UBE2W: variants seen among roughly 807,000 people sequenced by gnomAD.
UBE2W encodes ubiquitin-conjugating enzyme E2 W.
Under a neutral mutation model 27.2 loss-of-function variants are expected in UBE2W, and 18 were observed. The observed-to-expected ratio is 0.66, with a 90% CI of 0.46 to 0.98. The LOEUF is 0.98. Ranked by LOEUF, UBE2W falls within the 50% of genes least tolerant of loss-of-function variation. The pLI is 0.00. For synonymous variants in UBE2W, 53 were observed against 57.2 expected (o/e 0.93, Z 0.33); for missense variants, 90 against 180.2 (o/e 0.50, Z 2.87).
chr8:73,870,353 A>G, intron 1 of UBE2W: 1 of 1,524,438 alleles, frequency 6.6e-7, no homozygotes, highest in Non-Finnish European at 8.9e-7. Context: ...AAGGAAATCT[A>G]TTTTTTCCAT....
In UBE2W at chr8:73,789,181, G is replaced by A. The variant is rs534535522; in HGVS notation, c.*4921C>T. The A allele has an allele frequency of 1.0e-5, 10 of 984,586 alleles. No homozygotes were observed. The South Asian group carries it at 1.4e-4, about 14-fold the overall frequency. 61.0% of individuals were successfully genotyped at this position (984,586 alleles called of 1,614,324 possible). On this transcript the variant is annotated 3_prime_UTR_variant, in exon 6 of 6. Coordinates refer to ENST00000602593, the MANE Select transcript of UBE2W (RefSeq NM_018299.6). ...GATGTACATAAACCTGTCTTAAATC[G>A]GCAAACAGACGAGGCATGGTGGCTT...
intron 2 of UBE2W, among the ~76,000 whole-genome samples, chr8:73,828,552 G>A (rs1306934915): frequency 1.3e-5 from 2 of 152,140 alleles, no homozygotes; most frequent in African/African-American, 4.8e-5. Flanking sequence ...CTAGGATGGT[G>A]TATGGTAGGT....
At chr8:73,800,722 C>T (rs73322655) in intron 5 of UBE2W, among the ~76,000 whole-genome samples, 5,170 of 152,230 alleles carry the variant, frequency 0.034, 259 homozygotes, top group African/African-American at 0.11. Flanking sequence ...TGTCTCCAAA[C>T]TACTAAAAAG....
Position 73,788,376 on chromosome 8 carries a change from CTG to C in UBE2W, c.*5724_*5725del, listed in dbSNP as rs1808051152. On this transcript the variant is annotated 3_prime_UTR_variant, in exon 6 of 6. Coordinates refer to ENST00000602593, the MANE Select transcript of UBE2W (RefSeq NM_018299.6). ...CATTCCTATTAATAAAATGCACACT[CTG>C]TAGTTCTGAATAATAAAAGGAAAAT... 5.1e-6 allele frequency: 5 copies of C among 985,294 alleles called. No homozygotes were observed. Among genetic ancestry groups the C allele is most frequent in the Non-Finnish European group, 6.0e-6 (5 of 829,930 alleles). 61.0% of individuals were successfully genotyped at this position (985,294 alleles called of 1,614,324 possible).
chr8:73,878,009 G>A (rs930360954), intron 1 of UBE2W, among the ~76,000 whole-genome samples: 2 of 152,216 alleles, frequency 1.3e-5, no homozygotes, highest in Admixed American at 1.3e-4. Context: ...TAAGGGCAAA[G>A]AGATGTATAG....
intron 4 of UBE2W, among the ~76,000 whole-genome samples, chr8:73,780,713 G>A (rs1056090228): frequency 4.6e-5 from 7 of 151,898 alleles, no homozygotes; most frequent in Middle Eastern, 3.4e-3. Context: ...TTGTAGAGAT[G>A]AGGTTTTGCC....
At chr8:73,845,257 T>C (rs1336944349) in intron 1 of UBE2W, among the ~76,000 whole-genome samples, 1 of 152,216 alleles carries the variant, frequency 6.6e-6, no homozygotes. Flanking sequence ...GATGGCGGTT[T>C]TGTCGAACAG....
chr8:73,798,058 C>A (rs112943482), intron 5 of UBE2W, among the ~76,000 whole-genome samples: 1 of 152,098 alleles, frequency 6.6e-6, no homozygotes, highest in African/African-American at 2.4e-5. Flanking sequence ...GAGGCTGAGG[C>A]GGGCAGATTG....
intron 1 of UBE2W, among the ~76,000 whole-genome samples, chr8:73,871,654 A>G (rs1397030608): frequency 6.6e-6 from 1 of 152,078 alleles, no homozygotes; most frequent in Admixed American, 6.6e-5. Flanking sequence ...GGACACTTTA[A>G]TACCTGACAA....
At chr8:73,805,504 A>T (rs73322670) in intron 5 of UBE2W, 147 bp downstream of exon 5, 1 of 321,250 alleles carries the variant, frequency 3.1e-6, no homozygotes, top group East Asian at 5.1e-5. Flanking sequence ...TCCATTAAAT[A>T]TATTAGAATA....
At chr8:73,859,364 G>A (rs1811449886) in intron 1 of UBE2W, among the ~76,000 whole-genome samples, 1 of 152,084 alleles carries the variant, frequency 6.6e-6, no homozygotes, top group Non-Finnish European at 1.5e-5. Context: ...AAATTAGCTG[G>A]GCATGGTGGC....
chr8:73,791,897 A>T lies in UBE2W; in HGVS notation c.*2205T>A. On this transcript the variant is annotated 3_prime_UTR_variant, in exon 6 of 6. Transcript: ENST00000602593. The stretch of plus-strand genomic sequence containing the variant: ...GAGAGGTATGTTAAAATATTGTCAT[A>T]AAAAACTCAATTGAGGCTATATATG... The T allele has an allele frequency of 2.0e-6, 2 of 984,968 alleles. No individual in the cohort carries two copies. The highest frequency in any genetic ancestry group is 2.4e-6 in the Non-Finnish European group (2 of 829,498). The allele number at this position is 984,968 out of a possible 1,614,324, so 61.0% of individuals were successfully genotyped here. A position where few individuals can be genotyped will look rare whatever the true frequency, so the allele number is the denominator to read the frequency against.
rs184203988 is a variant in UBE2W, at chr8:73,858,543, C to T, written c.15+20265G>A. Among the ~76,000 whole-genome samples the T allele has an allele frequency of 6.6e-5, 10 of 151,652 alleles. No homozygotes were observed. The East Asian group carries it at 7.7e-4, about 12-fold the overall frequency. ...TTTTCAATTATTAAAACTACAGCAG[C>T]TGAATTTTTAAAAATTCAGTATATT... is the stretch of plus-strand genomic sequence containing the variant. On this transcript the variant is annotated intron_variant, in intron 1 of 5. Transcript: ENST00000602593.
rs990895978 is a variant in UBE2W at position 73,788,540 on chromosome 8, T to C, written c.*5562A>G. 2.3e-5 allele frequency: 23 copies of C among 985,334 alleles called. No homozygotes were observed. Among genetic ancestry groups the C allele is most frequent in the Admixed American group, 6.1e-5 (1 of 16,264 alleles). 61.0% of individuals were successfully genotyped at this position (985,334 alleles called of 1,614,324 possible). A position where few individuals can be genotyped will look rare whatever the true frequency, so the allele number is the denominator to read the frequency against. On this transcript the variant is annotated 3_prime_UTR_variant, in exon 6 of 6. Coordinates refer to ENST00000602593, the MANE Select transcript of UBE2W (RefSeq NM_018299.6). ...TACATAAACAATCTGTGGTTAACTA[T>C]GAAAAGATGCATTTTCATGGTATCT... is the stretch of plus-strand genomic sequence containing the variant.
chr8:73,847,623 C>A (rs1221617754), intron 1 of UBE2W, among the ~76,000 whole-genome samples: 1 of 113,436 alleles, frequency 8.8e-6, no homozygotes. Flanking sequence ...ATATTGCGGC[C>A]GGGTGCTGTG....
intron 1 of UBE2W, among the ~76,000 whole-genome samples, chr8:73,855,799 T>C (rs939867440): frequency 2.6e-5 from 4 of 152,180 alleles, no homozygotes; most frequent in Admixed American, 2.0e-4. Flanking sequence ...AATTTTTTGT[T>C]AATAAAAAAA....
intron 1 of UBE2W, among the ~76,000 whole-genome samples, chr8:73,852,057 G>A (rs558739184): frequency 1.3e-5 from 2 of 150,496 alleles, no homozygotes; most frequent in Non-Finnish European, 2.9e-5. Context: ...GAAGAAAGGA[G>A]AGGGAGGGGA....
At chr8:73,863,812 G>C (rs1234678699) in intron 1 of UBE2W, among the ~76,000 whole-genome samples, 1 of 151,976 alleles carries the variant, frequency 6.6e-6, no homozygotes, top group Non-Finnish European at 1.5e-5. Flanking sequence ...GCATTCCAGA[G>C]CAATTAAATC....
downstream of UBE2W, among the ~76,000 whole-genome samples, chr8:73,783,200 C>T (rs1807873688): frequency 6.6e-6 from 1 of 152,046 alleles, no homozygotes; most frequent in African/African-American, 2.4e-5. Flanking sequence ...GTCTTGTTTT[C>T]ATAGTTTGTC....
Sources: gnomAD v4.1 joint callset for allele counts (sites outside exome capture counted in the v4.1 genomes callset) on GRCh38, gnomAD v4.1.1 for gene constraint, MANE v1.5 for transcripts, NCBI Gene and HGNC (gene_info 2026-07-23, HGNC 2026-07-21) for gene names.